Variants in RANBP2 observed in about 807,000 individuals in gnomAD.
RANBP2 encodes the protein E3 SUMO-protein ligase RanBP2.
Under a neutral mutation model 303.6 loss-of-function variants are expected in RANBP2, and 57 were observed. That is an observed-to-expected ratio of 0.19 (90% CI 0.15 to 0.23). The LOEUF is 0.23. RANBP2 is among the 10% of genes least tolerant of loss of function. The pLI is 1.00. For missense variants in RANBP2, 3,138 were observed against 3,780.8 expected, an observed-to-expected ratio of 0.83 and a Z score of 4.46; for synonymous variants, 1,167 against 1,301.5, an observed-to-expected ratio of 0.90 and a Z score of 2.23.
the RANBP2 span, chr2:109,565,964 T>A: frequency 9.8e-7 from 1 of 1,020,918 alleles, no homozygotes; most frequent in Non-Finnish European, 1.5e-6. Context: ...ACAAACCTAT[T>A]AAAATCGAAT....
At chr2:109,722,493 C>T in the RANBP2 span, among the ~76,000 whole-genome samples, 12 of 152,306 alleles carry the variant, frequency 7.9e-5, no homozygotes, top group African/African-American at 2.9e-4. Context: ...ATTTTTATTT[C>T]AAGATCCAAG....
chr2:109,628,161 CT>C, the RANBP2 span, among the ~76,000 whole-genome samples: 1 of 152,146 alleles, frequency 6.6e-6, no homozygotes, highest in East Asian at 1.9e-4. Flanking sequence ...TGCAGAGATG[CT>C]CCAGGCTACT....
the RANBP2 span, among the ~76,000 whole-genome samples, chr2:109,370,101 C>T: frequency 2.0e-4 from 30 of 152,238 alleles, no homozygotes; most frequent in African/African-American, 3.1e-4. Flanking sequence ...ACCTGACTGC[C>T]GAAGGAGGGA....
the RANBP2 span, among the ~76,000 whole-genome samples, chr2:109,274,458 G>C: frequency 6.6e-6 from 1 of 152,152 alleles, no homozygotes; most frequent in South Asian, 2.1e-4. Context: ...AGCCATCAAA[G>C]GAAATGAAAT....
At chr2:109,723,088 G>A in the RANBP2 span, among the ~76,000 whole-genome samples, 1 of 152,140 alleles carries the variant, frequency 6.6e-6, no homozygotes. Context: ...CCCACTAACA[G>A]TTTAAAAGTG....
the RANBP2 span, among the ~76,000 whole-genome samples, chr2:109,581,177 C>T: frequency 5.3e-5 from 8 of 152,274 alleles, no homozygotes; most frequent in South Asian, 2.1e-4. Flanking sequence ...AGGTGGCTCA[C>T]GCCTGTAATC....
the RANBP2 span, among the ~76,000 whole-genome samples, chr2:108,959,876 G>A: frequency 6.6e-6 from 1 of 152,054 alleles, no homozygotes; most frequent in Non-Finnish European, 1.5e-5. Context: ...ATACATACAA[G>A]CACACACATA....
chr2:108,918,286 G>GCC, the RANBP2 span, among the ~76,000 whole-genome samples: 1 of 152,314 alleles, frequency 6.6e-6, no homozygotes, highest in East Asian at 1.9e-4. Flanking sequence ...CAGGGTCTAT[G>GCC]CCTGTCTACT....
chr2:109,734,072 G>C, the RANBP2 span, among the ~76,000 whole-genome samples: 1 of 151,732 alleles, frequency 6.6e-6, no homozygotes, highest in East Asian at 1.9e-4. Flanking sequence ...CCAGCTACTT[G>C]GGAGGCTGAG....
At chr2:108,816,781 C>T in the RANBP2 span, among the ~76,000 whole-genome samples, 1 of 152,156 alleles carries the variant, frequency 6.6e-6, no homozygotes. Context: ...CTGCAGCCTC[C>T]AAACTCCTAG....
At chr2:108,737,764 A>G (rs1461419282) in intron 6 of RANBP2, among the ~76,000 whole-genome samples, 1 of 136,812 alleles carries the variant, frequency 7.3e-6, no homozygotes, top group African/African-American at 2.8e-5. Flanking sequence ...CCCAGGCTGG[A>G]GTACTGTGGG....
chr2:109,558,122 T>C, the RANBP2 span, among the ~76,000 whole-genome samples: 1 of 152,172 alleles, frequency 6.6e-6, no homozygotes, highest in East Asian at 1.9e-4. Context: ...AACATACTAC[T>C]GTTGTTGCAA....
At chr2:109,601,775 A>AAAAGCAACT in the RANBP2 span, among the ~76,000 whole-genome samples, 5 of 152,136 alleles carry the variant, frequency 3.3e-5, no homozygotes, top group Non-Finnish European at 5.9e-5. Context: ...TAAAAAAAAA[A>AAAAGCAACT]AAAGCAACTA....
the RANBP2 span, among the ~76,000 whole-genome samples, chr2:109,056,251 T>C: frequency 1.3e-5 from 2 of 152,130 alleles, no homozygotes; most frequent in Non-Finnish European, 2.9e-5. Flanking sequence ...ACTGTGATCT[T>C]GAACTCCTGA....
At chr2:109,422,173 C>T in the RANBP2 span, among the ~76,000 whole-genome samples, 1 of 152,212 alleles carries the variant, frequency 6.6e-6, no homozygotes, top group Non-Finnish European at 1.5e-5. Flanking sequence ...ATGAGATGTG[C>T]TGTCGTTGCA....
chr2:108,911,214 C>T, the RANBP2 span: 5 of 1,052,742 alleles, frequency 4.7e-6, no homozygotes, highest in African/African-American at 6.3e-5. Flanking sequence ...CTTGCTTAGA[C>T]TGAGAACCAA....
the RANBP2 span, among the ~76,000 whole-genome samples, chr2:109,635,178 A>G: frequency 6.6e-6 from 1 of 151,014 alleles, no homozygotes; most frequent in Admixed American, 6.6e-5. Flanking sequence ...ATTTTGTTTT[A>G]TTTATATTTA....
chr2:108,838,232 G>T, the RANBP2 span, among the ~76,000 whole-genome samples: 1 of 152,138 alleles, frequency 6.6e-6, no homozygotes, highest in Non-Finnish European at 1.5e-5. Context: ...GCACTTTGCT[G>T]TATCTAAGAA....
At chr2:108,887,193 A>T in the RANBP2 span, among the ~76,000 whole-genome samples, 1 of 36,322 alleles carries the variant, frequency 2.8e-5, no homozygotes, top group Non-Finnish European at 7.7e-5. Flanking sequence ...CTTGGCCATA[A>T]ATATGTGTCT....
Sources: allele counts gnomAD v4.1 joint callset (sites outside exome capture counted in the v4.1 genomes callset), GRCh38; gene constraint gnomAD v4.1.1; transcripts MANE v1.5; gene names NCBI Gene and HGNC (gene_info 2026-07-23, HGNC 2026-07-21).